NCAM2: variants seen among roughly 807,000 people sequenced by gnomAD.
NCAM2 encodes the protein N-CAM-2.
Under a neutral mutation model 98.1 loss-of-function variants are expected in NCAM2, and 30 were observed. That is an observed-to-expected ratio of 0.31 (90% CI 0.23 to 0.41). The LOEUF (loss-of-function observed/expected upper bound fraction) is 0.41, where lower values mean the gene tolerates loss of function less well. Ranked by LOEUF, NCAM2 falls within the 10% of genes least tolerant of loss-of-function variation. NCAM2 has a pLI of 1.00. For missense variants in NCAM2, 867 were observed against 1,005.8 expected, an observed-to-expected ratio of 0.86 and a Z score of 1.87; for synonymous variants, 368 against 342.4, an observed-to-expected ratio of 1.07 and a Z score of -0.83.
intron 3 of NCAM2, among the ~76,000 whole-genome samples, chr21:21,284,996 A>C (rs1334025706): frequency 6.6e-6 from 1 of 151,806 alleles, no homozygotes; most frequent in Non-Finnish European, 1.5e-5. Flanking sequence ...CTGTTTAGGA[A>C]CATTGAAATC....
chr21:21,257,434 A>G (rs1167539746), intron 1 of NCAM2, among the ~76,000 whole-genome samples: 1 of 152,180 alleles, frequency 6.6e-6, no homozygotes, highest in East Asian at 1.9e-4. Context: ...CTTGGTAATC[A>G]TTAGAGCACG....
At chr21:21,013,271 A>G (rs1003499973) in intron 1 of NCAM2, among the ~76,000 whole-genome samples, 4 of 152,242 alleles carry the variant, frequency 2.6e-5, no homozygotes, top group African/African-American at 4.8e-5. Context: ...AAGCCACTCC[A>G]GTGAATACAC....
chr21:21,301,362 T>A (rs2073704246), intron 5 of NCAM2, among the ~76,000 whole-genome samples: 1 of 122,892 alleles, frequency 8.1e-6, no homozygotes, highest in East Asian at 2.6e-4. Context: ...ATTTTTATAG[T>A]TTGGGGTCTT....
intron 8 of NCAM2, among the ~76,000 whole-genome samples, chr21:21,348,753 A>G (rs1349525443): frequency 6.6e-6 from 1 of 152,168 alleles, no homozygotes; most frequent in African/African-American, 2.4e-5. Flanking sequence ...GACCCATGGA[A>G]CAGAATAGAG....
In NCAM2 at chr21:21,542,394, G is replaced by A. The variant is rs1212367876; in HGVS notation, c.*4437G>A. The A allele has an allele frequency of 6.6e-6, 1 of 151,008 alleles. No homozygotes were observed. The highest frequency in any genetic ancestry group is 1.5e-5 in the Non-Finnish European group (1 of 67,624). The allele number at this position is 151,008 out of a possible 1,614,324, so 9.4% of individuals were successfully genotyped here. On this transcript the variant is annotated 3_prime_UTR_variant, in exon 18 of 18. Coordinates refer to ENST00000400546, the MANE Select transcript of NCAM2 (RefSeq NM_004540.5). Reference sequence around the variant, plus strand: ...TTAGAAAAATAGTTTATTACTTTAGGATTTTATCTATAACATAAATATATT... The same window carrying A: ...TTAGAAAAATAGTTTATTACTTTAGAATTTTATCTATAACATAAATATATT...
intron 1 of NCAM2, among the ~76,000 whole-genome samples, chr21:21,054,451 C>A (rs2065174292): frequency 4.0e-5 from 6 of 151,898 alleles, no homozygotes; most frequent in Admixed American, 3.3e-4. Context: ...AAGATATACT[C>A]CTTACATACT....
At chr21:21,239,614 T>C (rs2070986621) in intron 1 of NCAM2, among the ~76,000 whole-genome samples, 1 of 152,190 alleles carries the variant, frequency 6.6e-6, no homozygotes, top group South Asian at 2.1e-4. Context: ...GTGTTCATGG[T>C]CATGGAGTTA....
intron 12 of NCAM2, among the ~76,000 whole-genome samples, chr21:21,437,388 C>T (rs997350841): frequency 2.0e-5 from 3 of 151,574 alleles, no homozygotes; most frequent in African/African-American, 7.3e-5. Flanking sequence ...CTCACCAGAT[C>T]GATCATGTGA....
At chr21:21,008,630 C>T (rs988082959) in intron 1 of NCAM2, among the ~76,000 whole-genome samples, 1 of 152,214 alleles carries the variant, frequency 6.6e-6, no homozygotes, top group African/African-American at 2.4e-5. Flanking sequence ...TCTGGTTTTA[C>T]TTAAAGGTTT....
At chr21:21,193,565 G>A (rs1401620109) in intron 1 of NCAM2, among the ~76,000 whole-genome samples, 8 of 145,938 alleles carry the variant, frequency 5.5e-5, no homozygotes, top group Non-Finnish European at 7.4e-5. Flanking sequence ...GCGCGATCTC[G>A]GCTCACTGCA....
intron 1 of NCAM2, among the ~76,000 whole-genome samples, chr21:21,229,073 G>A (rs965984365): frequency 5.9e-5 from 9 of 151,370 alleles, no homozygotes; most frequent in Non-Finnish European, 1.2e-4. Flanking sequence ...AATAATAATG[G>A]TGGACATTTT....
intron 8 of NCAM2, among the ~76,000 whole-genome samples, chr21:21,348,037 C>T (rs2090904502): frequency 6.6e-6 from 1 of 152,018 alleles, no homozygotes; most frequent in African/African-American, 2.4e-5. Context: ...AAAGTGTTTC[C>T]TCTAAGATCT....
At chr21:21,006,675 A>C (rs547972106) in intron 1 of NCAM2, among the ~76,000 whole-genome samples, 12 of 152,290 alleles carry the variant, frequency 7.9e-5, no homozygotes, top group African/African-American at 2.9e-4. Context: ...CCTTTAGTAC[A>C]AGTATTCATG....
chr21:21,388,211 T>C (rs1176601466), intron 9 of NCAM2, among the ~76,000 whole-genome samples: 1 of 152,216 alleles, frequency 6.6e-6, no homozygotes, highest in Non-Finnish European at 1.5e-5. Context: ...AAAAATGTCA[T>C]GTGGCTAAGC....
At chr21:21,406,793 T>C (rs111935938) in intron 9 of NCAM2, among the ~76,000 whole-genome samples, 1 of 152,344 alleles carries the variant, frequency 6.6e-6, no homozygotes, top group African/African-American at 2.4e-5. Flanking sequence ...CCTTAAGATA[T>C]GCTTCCATAA....
intron 9 of NCAM2, chr21:21,385,684 C>T: frequency 7.8e-7 from 1 of 1,281,216 alleles, no homozygotes; most frequent in South Asian, 1.3e-5. Flanking sequence ...AGGAATTGAA[C>T]TAAACTTCCA....
At chr21:21,448,944 A>G (rs1980604504) in intron 12 of NCAM2, among the ~76,000 whole-genome samples, 1 of 152,092 alleles carries the variant, frequency 6.6e-6, no homozygotes, top group Non-Finnish European at 1.5e-5. Context: ...CTAAATTAGG[A>G]TGTTGTATGT....
At chr21:21,019,633 A>T (rs926121992) in intron 1 of NCAM2, among the ~76,000 whole-genome samples, 1 of 152,130 alleles carries the variant, frequency 6.6e-6, no homozygotes, top group Non-Finnish European at 1.5e-5. Flanking sequence ...ATTTATAATT[A>T]TTTTTTTTAT....
chr21:21,025,469 G>A (rs1353870078), intron 1 of NCAM2, among the ~76,000 whole-genome samples: 1 of 152,118 alleles, frequency 6.6e-6, no homozygotes, highest in Non-Finnish European at 1.5e-5. Context: ...GTGTCCCACT[G>A]TTTAATATTT....
Sources: allele counts gnomAD v4.1 joint callset (sites outside exome capture counted in the v4.1 genomes callset), GRCh38; gene constraint gnomAD v4.1.1; transcripts MANE v1.5; gene names NCBI Gene and HGNC (gene_info 2026-07-23, HGNC 2026-07-21).